SNX9: variants seen among roughly 807,000 people sequenced by gnomAD.
SNX9 encodes the protein sorting nexin 9.
Under a neutral mutation model 89.4 loss-of-function variants are expected in SNX9, and 44 were observed. That is an observed-to-expected ratio of 0.49 (90% CI 0.39 to 0.63). The LOEUF is 0.63. Among genes scored for constraint, SNX9 ranks in the 30% least tolerant of loss-of-function variants. SNX9 has a pLI of 0.00. For synonymous variants in SNX9, 236 were observed against 247.8 expected, an observed-to-expected ratio of 0.95 and a Z score of 0.45; for missense variants, 578 against 736.1, an observed-to-expected ratio of 0.79 and a Z score of 2.49.
chr6:157,885,327 A>G (rs1028157861), intron 4 of SNX9: 1 of 152,186 alleles, frequency 6.6e-6, no homozygotes, highest in Non-Finnish European at 1.5e-5. Flanking sequence ...ATGTTCCACC[A>G]GTGGTTTTCT....
At chr6:157,880,313 C>T (rs1562603319) in intron 4 of SNX9, among the ~76,000 whole-genome samples, 1 of 152,338 alleles carries the variant, frequency 6.6e-6, no homozygotes, top group East Asian at 1.9e-4. Context: ...TCTTTTCCCA[C>T]TTCTTCCCTC....
chr6:157,910,066 A>G, intron 9 of SNX9, 41 bp downstream of exon 9: 1 of 1,462,742 alleles, frequency 6.8e-7, no homozygotes, highest in Non-Finnish European at 9.6e-7. Context: ...ACAAATAGAA[A>G]GACTCCAGTC....
Position 157,823,495 on chromosome 6 carries a change from G to C in SNX9, c.12+49G>C. On this transcript the variant is annotated intron_variant, in intron 1 of 17. Coordinates refer to ENST00000392185, the MANE Select transcript of SNX9 (RefSeq NM_016224.5). The surrounding 1 kb of genome is among the most constrained non-coding windows in gnomAD (Gnocchi z 4.6). The stretch of plus-strand genomic sequence containing the variant: ...GGGCCGGTCGCTCAGGCCCGGGGCG[G>C]CGCGGAGAGGGTCGGGGCCGGGGCC... 4 of 1,170,722 alleles carry C rather than the reference G, an allele frequency of 3.4e-6. No homozygotes were observed. Among genetic ancestry groups the C allele is most frequent in the Non-Finnish European group, 4.2e-6 (4 of 949,906 alleles). 72.5% of individuals were successfully genotyped at this position (1,170,722 alleles called of 1,614,324 possible). A position where few individuals can be genotyped will look rare whatever the true frequency, so the allele number is the denominator to read the frequency against.
chr6:157,862,885 G>C (rs1285493993), intron 1 of SNX9, among the ~76,000 whole-genome samples: 1 of 152,064 alleles, frequency 6.6e-6, no homozygotes, highest in Non-Finnish European at 1.5e-5. Context: ...GACTCTCTAG[G>C]TTGCAAGTGA....
intron 16 of SNX9, 122 bp downstream of exon 16, chr6:157,938,869 C>T (rs1237412358): frequency 1.6e-6 from 1 of 639,146 alleles, no homozygotes; most frequent in Non-Finnish European, 2.8e-6. Context: ...TTTTAAGCCC[C>T]TCGTTTGCAG....
intron 2 of SNX9, among the ~76,000 whole-genome samples, chr6:157,868,256 C>G (rs1040532214): frequency 6.6e-6 from 1 of 152,236 alleles, no homozygotes; most frequent in African/African-American, 2.4e-5. Context: ...GTATAAAAAG[C>G]ATTTCTGCAT....
At chr6:157,907,341 G>A (rs1261040842) in intron 7 of SNX9, among the ~76,000 whole-genome samples, 2 of 152,142 alleles carry the variant, frequency 1.3e-5, no homozygotes, top group Non-Finnish European at 2.9e-5. Flanking sequence ...GAGTGCAGTG[G>A]TGTGATCTTG....
chr6:157,873,047 A>G (rs559151336), intron 2 of SNX9, 55 bp from the exon 3 acceptor site: 32 of 1,442,606 alleles, frequency 2.2e-5, no homozygotes, highest in Non-Finnish European at 2.7e-5. Flanking sequence ...AAATTTCTCC[A>G]GGAAATCTCA....
intron 1 of SNX9, among the ~76,000 whole-genome samples, chr6:157,828,639 G>C (rs1781426755): frequency 6.6e-6 from 1 of 152,058 alleles, no homozygotes; most frequent in African/African-American, 2.4e-5. Flanking sequence ...GACTACAGGT[G>C]TGCACCACCA....
chr6:157,932,946 G>A (rs1484773234), intron 13 of SNX9, among the ~76,000 whole-genome samples: 1 of 148,832 alleles, frequency 6.7e-6, no homozygotes, highest in Non-Finnish European at 1.5e-5. Flanking sequence ...CAAGTAACAA[G>A]TGTGTGTTGC....
At chr6:157,896,281 T>C (rs776424174) in intron 4 of SNX9, among the ~76,000 whole-genome samples, 1 of 152,252 alleles carries the variant, frequency 6.6e-6, no homozygotes, top group Non-Finnish European at 1.5e-5. Flanking sequence ...TTTTTTATTA[T>C]ACATGTATTC....
intron 10 of SNX9, 118 bp from the exon 11 acceptor site, chr6:157,926,993 A>AGC (rs1396607074): frequency 1.4e-6 from 1 of 695,992 alleles, no homozygotes; most frequent in East Asian, 2.7e-5. Flanking sequence ...ATAGAGTGGG[A>AGC]GCTGCTTCCT....
intron 9 of SNX9, among the ~76,000 whole-genome samples, chr6:157,915,623 T>TTA (rs1783444269): frequency 1.4e-5 from 1 of 71,300 alleles, no homozygotes; most frequent in Non-Finnish European, 2.6e-5. Flanking sequence ...CCATCTCTAC[T>TTA]AAAAAAAAAA....
intron 10 of SNX9, among the ~76,000 whole-genome samples, chr6:157,926,277 T>C (rs1783689930): frequency 1.3e-5 from 2 of 152,170 alleles, no homozygotes; most frequent in Admixed American, 1.3e-4. Context: ...TGGGAGCTCT[T>C]TGCTCCTTCC....
intron 4 of SNX9, among the ~76,000 whole-genome samples, chr6:157,884,532 A>C (rs769209013): frequency 1.3e-5 from 2 of 152,202 alleles, no homozygotes; most frequent in Non-Finnish European, 2.9e-5. Flanking sequence ...GTAATTGCTT[A>C]TTGAGACTTT....
chr6:157,914,463 C>CTT (rs1364127737), intron 9 of SNX9, among the ~76,000 whole-genome samples: 1,191 of 96,142 alleles, frequency 0.012, 58 homozygotes, highest in African/African-American at 0.02. Context: ...TTGTCATTTT[C>CTT]TTTTTCTTTT....
chr6:157,901,874 A>G, intron 5 of SNX9, 24 bp from the exon 6 acceptor site: 2 of 1,555,452 alleles, frequency 1.3e-6, no homozygotes, highest in Non-Finnish European at 1.7e-6. Flanking sequence ...TTTTTAACTG[A>G]TGATCTTCCA....
intron 14 of SNX9, among the ~76,000 whole-genome samples, chr6:157,936,911 A>G (rs765884845): frequency 6.6e-6 from 1 of 152,204 alleles, no homozygotes; most frequent in Non-Finnish European, 1.5e-5. Context: ...ACTTTAAACT[A>G]TGTGTATGGA....
chr6:157,878,430 CAT>C (rs138720593), intron 4 of SNX9, among the ~76,000 whole-genome samples: 7,191 of 146,792 alleles, frequency 0.049, 210 homozygotes, highest in East Asian at 0.11. Context: ...GGAAGCCCAC[CAT>C]TTTTTTTTTT....
Sources: allele counts gnomAD v4.1 joint callset (sites outside exome capture counted in the v4.1 genomes callset), GRCh38; gene constraint gnomAD v4.1.1; non-coding constraint Gnocchi (gnomAD v3.1); transcripts MANE v1.5; gene names NCBI Gene and HGNC (gene_info 2026-07-23, HGNC 2026-07-21).